The following CACNA2D3 variants were observed in gnomAD, a reference collection of about 807,000 sequenced individuals.
CACNA2D3 encodes the protein calcium voltage-gated channel auxiliary subunit alpha2delta 3.
CACNA2D3 carries 60 observed loss-of-function variants against 160.6 expected under a neutral mutation model. The observed-to-expected ratio is 0.37, with a 90% confidence interval of 0.30 to 0.46. CACNA2D3 has a LOEUF of 0.46. Among genes scored for constraint, CACNA2D3 ranks in the 20% least tolerant of loss-of-function variants. The probability of loss-of-function intolerance (pLI) is 1.00; values close to 1 mark genes in which losing one functional copy is unlikely to be tolerated. For synonymous variants in CACNA2D3, 558 were observed against 492.9 expected (o/e 1.13, Z -1.75); for missense variants, 1,205 against 1,365.0 (o/e 0.88, Z 1.85).
intron 5 of CACNA2D3, among the ~76,000 whole-genome samples, chr3:54,508,359 T>C (rs1701405538): frequency 6.6e-6 from 1 of 152,058 alleles, no homozygotes; most frequent in African/African-American, 2.4e-5. Context: ...GTTCAGGGCC[T>C]GGTTTGGAGA....
intron 2 of CACNA2D3, among the ~76,000 whole-genome samples, chr3:54,137,329 A>G (rs773977243): frequency 1.3e-5 from 2 of 152,210 alleles, no homozygotes; most frequent in Non-Finnish European, 2.9e-5. Flanking sequence ...TTGAGTGGCC[A>G]TTCTCCAATT....
chr3:54,254,904 G>A (rs1364659935), intron 2 of CACNA2D3, among the ~76,000 whole-genome samples: 1 of 152,172 alleles, frequency 6.6e-6, no homozygotes, highest in African/African-American at 2.4e-5. Flanking sequence ...AGCATTAATA[G>A]GACATCTTCC....
rs911515245 is a variant in CACNA2D3 at position 54,550,289 on chromosome 3, A to C, written c.545-12511A>C. On this transcript the variant is annotated intron_variant, in intron 5 of 37. Coordinates refer to ENST00000474759, the MANE Select transcript of CACNA2D3 (RefSeq NM_018398.3). ...TCTGCTGAGGGGGCCATGAGAGAGGAACCCACGTTACTCACTGGCTGTGTG... is the reference window on the plus strand; with the variant it reads ...TCTGCTGAGGGGGCCATGAGAGAGGCACCCACGTTACTCACTGGCTGTGTG... 5.3e-5 allele frequency among the ~76,000 whole-genome samples: 8 copies of C among 152,232 alleles called. 2 individuals are homozygous for C. Among genetic ancestry groups the C allele is most frequent in the Admixed American group, 5.2e-4 (8 of 15,308 alleles).
chr3:54,525,701 G>A (rs1701713879), intron 5 of CACNA2D3, among the ~76,000 whole-genome samples: 1 of 151,214 alleles, frequency 6.6e-6, no homozygotes, highest in African/African-American at 2.4e-5. Context: ...ATGTTATGCA[G>A]TTTCACTTGT....
intron 4 of CACNA2D3, among the ~76,000 whole-genome samples, chr3:54,444,076 A>G (rs149559826): frequency 3.3e-5 from 5 of 152,122 alleles, no homozygotes; most frequent in Non-Finnish European, 7.4e-5. Context: ...TATCAAAGGC[A>G]ATGGGTATGA....
intron 3 of CACNA2D3, among the ~76,000 whole-genome samples, chr3:54,350,866 A>G (rs1698539696): frequency 1.3e-5 from 2 of 151,424 alleles, no homozygotes; most frequent in Non-Finnish European, 2.9e-5. Context: ...GGCTTTTAAC[A>G]TCCATGTGTG....
At chr3:54,275,011 C>G (rs975262942) in intron 2 of CACNA2D3, among the ~76,000 whole-genome samples, 1 of 152,240 alleles carries the variant, frequency 6.6e-6, no homozygotes, top group Non-Finnish European at 1.5e-5. Context: ...GGCATAAAGA[C>G]CAGGAGGCAG....
At chr3:55,017,641 G>A (rs1703354714) in intron 34 of CACNA2D3, among the ~76,000 whole-genome samples, 1 of 152,158 alleles carries the variant, frequency 6.6e-6, no homozygotes, top group Non-Finnish European at 1.5e-5. Context: ...CCTCTACCGA[G>A]TGCCTACTAT....
rs147422626 is a variant in CACNA2D3, at chr3:54,881,579, G to C, written c.1912+716G>C. Among the ~76,000 whole-genome samples, 943 of 152,278 alleles carry C rather than the reference G, an allele frequency of 6.2e-3. 15 individuals are homozygous for C. Among genetic ancestry groups the C allele is most frequent in the African/African-American group, 0.02 (849 of 41,556 alleles). ...TAGTTCAGAGAGGTTACCTGTCCCAGCATTAGGAGCTCACAGGGGTGGTGG... is the reference window on the plus strand; with the variant it reads ...TAGTTCAGAGAGGTTACCTGTCCCACCATTAGGAGCTCACAGGGGTGGTGG... On this transcript the variant is annotated intron_variant, in intron 21 of 37. Coordinates refer to ENST00000474759, the MANE Select transcript of CACNA2D3 (RefSeq NM_018398.3).
chr3:54,876,836 A>C (rs115491436), intron 18 of CACNA2D3, among the ~76,000 whole-genome samples: 1 of 152,340 alleles, frequency 6.6e-6, no homozygotes, highest in South Asian at 2.1e-4. Context: ...TCCGAATTTC[A>C]TAGGAATCTG....
In CACNA2D3 at chr3:54,709,940, A is replaced by G. The variant is rs149028412; in HGVS notation, c.1168-42659A>G. On this transcript the variant is annotated intron_variant, in intron 11 of 37. Coordinates refer to ENST00000474759, the MANE Select transcript of CACNA2D3 (RefSeq NM_018398.3). ...ACCCTGTCTCTAAAATAAAAATAAA[A>G]TCAGTCGCCTACCACCTGGTAGAGG... 8.6e-3 allele frequency among the ~76,000 whole-genome samples: 1,317 copies of G among 152,280 alleles called. 9 individuals carry two copies. Among genetic ancestry groups the G allele is most frequent in the Middle Eastern group, 0.027 (8 of 294 alleles).
intron 4 of CACNA2D3, among the ~76,000 whole-genome samples, chr3:54,468,695 C>T (rs1320242243): frequency 1.3e-5 from 2 of 152,222 alleles, no homozygotes; most frequent in Non-Finnish European, 2.9e-5. Context: ...ATTCTTGCTG[C>T]TAGCACAGCA....
chr3:54,546,709 C>T (rs561799332), intron 5 of CACNA2D3, among the ~76,000 whole-genome samples: 16 of 31,752 alleles, frequency 5.0e-4, no homozygotes, highest in East Asian at 4.3e-3. Context: ...CACACACACA[C>T]GCGCGCACAC....
At chr3:54,220,391 A>G (rs1168905105) in intron 2 of CACNA2D3, among the ~76,000 whole-genome samples, 1 of 152,242 alleles carries the variant, frequency 6.6e-6, no homozygotes, top group Non-Finnish European at 1.5e-5. Context: ...TGACCAACAT[A>G]CAGGTGAATT....
intron 2 of CACNA2D3, among the ~76,000 whole-genome samples, chr3:54,209,594 C>CT (rs1412986571): frequency 6.6e-6 from 1 of 152,172 alleles, no homozygotes; most frequent in African/African-American, 2.4e-5. Context: ...ATGTGAAAGG[C>CT]TTTTAACTCT....
intron 4 of CACNA2D3, among the ~76,000 whole-genome samples, chr3:54,415,951 C>G (rs1327364193): frequency 6.6e-6 from 1 of 152,050 alleles, no homozygotes; most frequent in Non-Finnish European, 1.5e-5. Context: ...AAAGATCTGT[C>G]AAGTAATTCA....
chr3:54,319,985 G>C (rs911050355), intron 2 of CACNA2D3, among the ~76,000 whole-genome samples: 1 of 152,164 alleles, frequency 6.6e-6, no homozygotes, highest in African/African-American at 2.4e-5. Flanking sequence ...GCTTCACATA[G>C]ACAACGCTGT....
intron 2 of CACNA2D3, among the ~76,000 whole-genome samples, chr3:54,318,997 T>G (rs1703929599): frequency 4.6e-5 from 7 of 152,144 alleles, no homozygotes. Flanking sequence ...GGATTTTGTT[T>G]TAGTTTAAGG....
chr3:54,480,804 T>C (rs959769498), intron 4 of CACNA2D3, among the ~76,000 whole-genome samples: 2 of 152,114 alleles, frequency 1.3e-5, no homozygotes, highest in African/African-American at 4.8e-5. Context: ...GAATCTGAAA[T>C]GTATGAAAGC....
Sources: allele counts gnomAD v4.1 joint callset (sites outside exome capture counted in the v4.1 genomes callset), GRCh38; gene constraint gnomAD v4.1.1; transcripts MANE v1.5; gene names NCBI Gene and HGNC (gene_info 2026-07-23, HGNC 2026-07-21).